Variants in LIN7A observed in about 807,000 individuals in gnomAD.
The protein encoded by LIN7A is lin-7 cell polarity scaffold A.
Under a neutral mutation model 29.8 loss-of-function variants are expected in LIN7A, and 25 were observed. The ratio of observed to expected loss-of-function variants is 0.84; its 90% CI spans 0.61 to 1.17. The LOEUF (loss-of-function observed/expected upper bound fraction) is 1.17, where lower values mean the gene tolerates loss of function less well. LIN7A is among the 50% of genes most tolerant of loss of function. LIN7A has a pLI of 0.00. For synonymous variants in LIN7A, 118 were observed against 107.5 expected (o/e 1.10, Z -0.60); for missense variants, 239 against 287.0 (o/e 0.83, Z 1.21).
intron 3 of LIN7A, among the ~76,000 whole-genome samples, chr12:80,846,938 C>A (rs1044898884): frequency 6.6e-6 from 1 of 152,190 alleles, no homozygotes; most frequent in Non-Finnish European, 1.5e-5. Flanking sequence ...AAGTGACTTA[C>A]TCAACACTGT....
intron 2 of LIN7A, among the ~76,000 whole-genome samples, chr12:80,881,474 G>T (rs958061133): frequency 6.6e-6 from 1 of 151,912 alleles, no homozygotes; most frequent in African/African-American, 2.4e-5. Flanking sequence ...TAGTAACTTT[G>T]TGTGAAAAAA....
At chr12:80,805,044 T>C (rs1432715936) in intron 5 of LIN7A, among the ~76,000 whole-genome samples, 1 of 152,236 alleles carries the variant, frequency 6.6e-6, no homozygotes, top group Non-Finnish European at 1.5e-5. Context: ...ATAGTGGTTG[T>C]ACTAATTAGT....
chr12:80,881,393 A>G (rs1485575232), intron 2 of LIN7A, among the ~76,000 whole-genome samples: 2 of 152,216 alleles, frequency 1.3e-5, no homozygotes, highest in Non-Finnish European at 2.9e-5. Flanking sequence ...GATATGCACA[A>G]ACATAATGTC....
chr12:80,852,834 T>C (rs1265734525), intron 2 of LIN7A, among the ~76,000 whole-genome samples: 1 of 152,190 alleles, frequency 6.6e-6, no homozygotes, highest in Non-Finnish European at 1.5e-5. Context: ...TCTCCCAGTA[T>C]TGTCTGACCA....
chr12:80,882,287 C>CTTTTTTTTTTTTTTT lies in LIN7A; in HGVS notation c.201+6949_201+6963dup, dbSNP rs56000415. Among the ~76,000 whole-genome samples the CTTTTTTTTTTTTTTT allele has an allele frequency of 4.6e-5, 4 of 87,698 alleles. 1 individual carries two copies. The highest frequency in any genetic ancestry group is 8.6e-5 in the Non-Finnish European group (3 of 35,020). 57.5% of individuals were successfully genotyped at this position (87,698 alleles called of 152,430 possible). On this transcript the variant is annotated intron_variant, in intron 2 of 5. Transcript: ENST00000552864. ...ACAGTACTATCATTTTTCTTTCATT[C>CTTTTTTTTTTTTTTT]TTTTTTTTTTTTTTTGAGACGGAGT...
intron 4 of LIN7A, among the ~76,000 whole-genome samples, chr12:80,821,509 T>C (rs2121520162): frequency 6.6e-6 from 1 of 152,358 alleles, no homozygotes; most frequent in South Asian, 2.1e-4. Context: ...TGGATGGCTG[T>C]TGACTGATCA....
intron 1 of LIN7A, among the ~76,000 whole-genome samples, chr12:80,920,242 T>G (rs1446182824): frequency 6.6e-6 from 1 of 152,134 alleles, no homozygotes; most frequent in Non-Finnish European, 1.5e-5. Context: ...AAATTTGAAT[T>G]TAATATGATA....
intron 4 of LIN7A, among the ~76,000 whole-genome samples, chr12:80,813,193 A>G (rs958892450): frequency 3.3e-5 from 5 of 152,046 alleles, no homozygotes; most frequent in African/African-American, 1.2e-4. Context: ...TTCTATTTTT[A>G]GTAAAGACAG....
intron 2 of LIN7A, among the ~76,000 whole-genome samples, chr12:80,850,401 T>C (rs989767353): frequency 1.3e-5 from 2 of 152,202 alleles, no homozygotes; most frequent in East Asian, 1.9e-4. Flanking sequence ...TGTTATGCTG[T>C]TGCTGGCATT....
At chr12:80,906,800 A>G (rs879790965) in intron 1 of LIN7A, among the ~76,000 whole-genome samples, 16 of 152,108 alleles carry the variant, frequency 1.1e-4, no homozygotes, top group Admixed American at 9.2e-4. Context: ...AAACCTGCAT[A>G]TGCATCCCTT....
At chr12:80,875,439 G>A (rs976710713) in intron 2 of LIN7A, among the ~76,000 whole-genome samples, 3 of 152,072 alleles carry the variant, frequency 2.0e-5, no homozygotes, top group African/African-American at 7.2e-5. Context: ...CTTACTACAC[G>A]AAACTCATGT....
intron 2 of LIN7A, among the ~76,000 whole-genome samples, chr12:80,887,614 T>G (rs1056553092): frequency 6.6e-6 from 1 of 152,150 alleles, no homozygotes; most frequent in South Asian, 2.1e-4. Context: ...TTAGCTTTTA[T>G]TGCTGATCAT....
intron 5 of LIN7A, among the ~76,000 whole-genome samples, chr12:80,808,064 C>A (rs1348518961): frequency 6.6e-6 from 1 of 152,166 alleles, no homozygotes; most frequent in African/African-American, 2.4e-5. Flanking sequence ...TCCTATTGAC[C>A]CCATAGCCAC....
intron 2 of LIN7A, among the ~76,000 whole-genome samples, chr12:80,863,586 C>T (rs1873984676): frequency 6.6e-6 from 1 of 152,194 alleles, no homozygotes; most frequent in Non-Finnish European, 1.5e-5. Context: ...CATAATGGCA[C>T]TGTCACCCAA....
intron 1 of LIN7A, among the ~76,000 whole-genome samples, chr12:80,892,850 A>T (rs1317136395): frequency 2.0e-5 from 3 of 152,162 alleles, no homozygotes; most frequent in Non-Finnish European, 2.9e-5. Context: ...TTGCATGGGT[A>T]ATTTTAAATC....
chr12:80,836,978 C>T (rs1008937126), intron 4 of LIN7A, among the ~76,000 whole-genome samples: 4 of 147,702 alleles, frequency 2.7e-5, no homozygotes, highest in African/African-American at 7.5e-5. Flanking sequence ...AGATGGGGGG[C>T]GGGGAAAGAA....
chr12:80,820,652 C>CACACACACACACACACAT (rs1413824661), intron 4 of LIN7A, among the ~76,000 whole-genome samples: 1 of 152,054 alleles, frequency 6.6e-6, no homozygotes, highest in Non-Finnish European at 1.5e-5. Context: ...CACACACACA[C>CACACACACACACACACAT]ACACACCCAT....
At chr12:80,827,227 A>G (rs914098847) in intron 4 of LIN7A, among the ~76,000 whole-genome samples, 19 of 152,048 alleles carry the variant, frequency 1.2e-4, no homozygotes, top group Admixed American at 9.8e-4. Context: ...CTCTACTAAA[A>G]ATACAAAAAA....
chr12:80,872,725 A>G (rs1874485322), intron 2 of LIN7A, among the ~76,000 whole-genome samples: 1 of 152,226 alleles, frequency 6.6e-6, no homozygotes, highest in Admixed American at 6.5e-5. Flanking sequence ...GTTAATGTCT[A>G]GCATTCTCAA....
Sources: gnomAD v4.1 joint callset for allele counts (sites outside exome capture counted in the v4.1 genomes callset) on GRCh38, gnomAD v4.1.1 for gene constraint, MANE v1.5 for transcripts, NCBI Gene and HGNC (gene_info 2026-07-23, HGNC 2026-07-21) for gene names.